DAB1: variants seen among roughly 807,000 people sequenced by gnomAD.
DAB1 encodes disabled homolog 1.
A neutral mutation model predicts 64.6 loss-of-function variants in DAB1; 15 were observed. That is an observed-to-expected ratio of 0.23 (90% CI 0.16 to 0.36). The LOEUF (loss-of-function observed/expected upper bound fraction) is 0.36, where lower values mean the gene tolerates loss of function less well. Ranked by LOEUF, DAB1 falls within the 10% of genes least tolerant of loss-of-function variation. The pLI is 1.00. For synonymous variants in DAB1, 235 were observed against 251.9 expected, an observed-to-expected ratio of 0.93 and a Z score of 0.64; for missense variants, 596 against 706.7, an observed-to-expected ratio of 0.84 and a Z score of 1.78.
At chr1:58,447,365 GGA>G (rs1425896729) in intron 3 of DAB1, among the ~76,000 whole-genome samples, 2 of 151,442 alleles carry the variant, frequency 1.3e-5, no homozygotes, top group Non-Finnish European at 1.5e-5. Context: ...ATGAAAAAAA[GGA>G]GAGAGTTGAT....
intron 6 of DAB1, among the ~76,000 whole-genome samples, chr1:57,808,388 C>A (rs1484843309): frequency 6.6e-6 from 1 of 152,180 alleles, no homozygotes; most frequent in Non-Finnish European, 1.5e-5. Flanking sequence ...TTCTAGTCAA[C>A]CCTCAACTGA....
chr1:57,513,399 G>T (rs1453924331), intron 7 of DAB1, among the ~76,000 whole-genome samples: 1 of 151,968 alleles, frequency 6.6e-6, no homozygotes, highest in East Asian at 1.9e-4. Context: ...AATAAGCCTG[G>T]CACAGAGCCT....
At chr1:58,030,198 C>T (rs1053753025) in intron 5 of DAB1, among the ~76,000 whole-genome samples, 1 of 152,038 alleles carries the variant, frequency 6.6e-6, no homozygotes, top group Admixed American at 6.6e-5. Flanking sequence ...CAGAGTGAGA[C>T]TCCATCTCTA....
chr1:57,723,868 A>G (rs1647178263), intron 6 of DAB1, among the ~76,000 whole-genome samples: 1 of 152,182 alleles, frequency 6.6e-6, no homozygotes, highest in South Asian at 2.1e-4. Context: ...CAGATGAGTG[A>G]AGCAAAAACT....
intron 1 of DAB1, among the ~76,000 whole-genome samples, chr1:57,327,055 C>T (rs926000407): frequency 3.3e-5 from 5 of 152,188 alleles, no homozygotes; most frequent in African/African-American, 7.2e-5. Context: ...TCTCTGGCAT[C>T]AGCCCCCTGA....
chr1:58,505,360 G>A (rs1232699256), intron 3 of DAB1, among the ~76,000 whole-genome samples: 1 of 152,178 alleles, frequency 6.6e-6, no homozygotes, highest in Non-Finnish European at 1.5e-5. Context: ...TAATACAAGT[G>A]AGATAGAAGA....
At chr1:57,384,228 A>T (rs1236664482) in intron 1 of DAB1, among the ~76,000 whole-genome samples, 4 of 152,168 alleles carry the variant, frequency 2.6e-5, no homozygotes, top group Non-Finnish European at 5.9e-5. Flanking sequence ...CTGCTATAAA[A>T]ACAAACAAAC....
intron 6 of DAB1, among the ~76,000 whole-genome samples, chr1:57,652,228 G>A (rs1027683161): frequency 2.6e-5 from 4 of 152,034 alleles, no homozygotes; most frequent in East Asian, 1.9e-4. Context: ...TTTTTTGCAC[G>A]TCTGATGACC....
intron 5 of DAB1, among the ~76,000 whole-genome samples, chr1:58,145,527 G>A (rs908679755): frequency 1.3e-5 from 2 of 152,216 alleles, no homozygotes; most frequent in African/African-American, 4.8e-5. Flanking sequence ...AGTGGTGGTT[G>A]TTAAGTTAAT....
chr1:57,649,723 T>A (rs1646234353), intron 6 of DAB1: 1 of 152,228 alleles, frequency 6.6e-6, no homozygotes, highest in South Asian at 2.1e-4. Flanking sequence ...TTAATGGTCT[T>A]GTTTTTCTTC....
intron 1 of DAB1, among the ~76,000 whole-genome samples, chr1:57,295,995 G>A (rs1171458075): frequency 1.3e-5 from 2 of 152,130 alleles, no homozygotes; most frequent in Non-Finnish European, 2.9e-5. Flanking sequence ...AGAATTGGAT[G>A]GCACACACCC....
intron 1 of DAB1, among the ~76,000 whole-genome samples, chr1:57,348,305 A>T (rs1678285298): frequency 6.6e-6 from 1 of 152,184 alleles, no homozygotes; most frequent in South Asian, 2.1e-4. Context: ...CACAGGGGCT[A>T]AAACAGAGCT....
At chr1:57,410,850 G>C (rs1489350795) in intron 1 of DAB1, among the ~76,000 whole-genome samples, 3 of 152,104 alleles carry the variant, frequency 2.0e-5, no homozygotes, top group Non-Finnish European at 4.4e-5. Flanking sequence ...ACCTAAACTA[G>C]TACTGTATAT....
intron 5 of DAB1, among the ~76,000 whole-genome samples, chr1:58,030,955 T>C (rs1389157366): frequency 2.0e-5 from 3 of 152,160 alleles, no homozygotes; most frequent in African/African-American, 7.2e-5. Flanking sequence ...AAGGTGTGGA[T>C]AAAATGTTAA....
At chr1:57,603,144 G>A (rs755892696) in intron 7 of DAB1, among the ~76,000 whole-genome samples, 19 of 152,114 alleles carry the variant, frequency 1.2e-4, no homozygotes, top group Non-Finnish European at 2.4e-4. Context: ...GGTTAATTTT[G>A]TATTTTTAGT....
chr1:57,818,100 T>C (rs1651950415), intron 6 of DAB1, among the ~76,000 whole-genome samples: 1 of 152,224 alleles, frequency 6.6e-6, no homozygotes, highest in African/African-American at 2.4e-5. Flanking sequence ...TTTTCTGCTT[T>C]CTATTGATCA....
intron 4 of DAB1, among the ~76,000 whole-genome samples, chr1:57,077,559 C>G (rs1652102467): frequency 6.6e-6 from 1 of 152,190 alleles, no homozygotes; most frequent in African/African-American, 2.4e-5. Flanking sequence ...ACACAGGATT[C>G]ATTCTGTGAA....
rs1570045212 is a variant in DAB1, at chr1:57,248,468, T to A, written c.67+42496A>T. On this transcript the variant is annotated intron_variant, in intron 2 of 14. Coordinates refer to ENST00000371236, the MANE Select transcript of DAB1 (RefSeq NM_001365792.1). ...ACAGTGTTTAGCTAATAGTATATAT[T>A]CATTAAATATATACTATGCTTCTAA... Among the ~76,000 whole-genome samples, 3 of 152,316 alleles carry A rather than the reference T, an allele frequency of 2.0e-5. No homozygotes were observed. The South Asian group carries it at 6.2e-4, about 32-fold the overall frequency.
intron 3 of DAB1, among the ~76,000 whole-genome samples, chr1:58,500,391 C>G (rs1210472716): frequency 6.6e-6 from 1 of 152,160 alleles, no homozygotes; most frequent in African/African-American, 2.4e-5. Context: ...ATGTTAAACA[C>G]TCATGTTTTC....
Sources: allele counts gnomAD v4.1 joint callset (sites outside exome capture counted in the v4.1 genomes callset), GRCh38; gene constraint gnomAD v4.1.1; transcripts MANE v1.5; gene names NCBI Gene and HGNC (gene_info 2026-07-23, HGNC 2026-07-21).